The following SLC25A26 variants were observed in gnomAD, a reference collection of about 807,000 sequenced individuals.
SLC25A26 encodes mitochondrial S-adenosylmethionine carrier protein.
A neutral mutation model predicts 37.8 loss-of-function variants in SLC25A26; 36 were observed. The ratio of observed to expected loss-of-function variants is 0.95; its 90% confidence interval spans 0.73 to 1.26. The LOEUF (loss-of-function observed/expected upper bound fraction) is 1.26, where lower values mean the gene tolerates loss of function less well. Among genes scored for constraint, SLC25A26 ranks in the 50% most tolerant of loss-of-function variants. SLC25A26 has a pLI of 0.00. For synonymous variants in SLC25A26, 129 were observed against 122.5 expected (o/e 1.05, Z -0.35); for missense variants, 390 against 331.1 (o/e 1.18, Z -1.38).
chr3:66,270,110 T>G (rs1308343956), intron 5 of SLC25A26, among the ~76,000 whole-genome samples: 1 of 152,196 alleles, frequency 6.6e-6, no homozygotes, highest in African/African-American at 2.4e-5. Flanking sequence ...TGAATCAGGC[T>G]TTTGATATAC....
At position 66,221,223 on chromosome 3, in the gene SLC25A26, G is replaced by C. The variant is rs928459173; in HGVS notation, c.33+96G>C. The C allele has an allele frequency of 8.4e-6, 11 of 1,316,068 alleles. No individual in the cohort carries two copies. In the Admixed American group the frequency reaches 1.2e-4, roughly 14 times the overall value. 81.5% of individuals were successfully genotyped at this position (1,316,068 alleles called of 1,614,324 possible). ...TGCACTGGTTTTCTTCCGGTTTTGC[G>C]GGCTGGACTGTCCTCGGGTTACTGG... On this transcript the variant is annotated intron_variant, in intron 1 of 9. Coordinates refer to ENST00000354883, the MANE Select transcript of SLC25A26 (RefSeq NM_001379210.1).
In SLC25A26 at chr3:66,150,581, T is replaced by C. The variant is rs551056724; in HGVS notation, c.-354+16597T>C. Among the ~76,000 whole-genome samples the C allele has an allele frequency of 4.2e-3, 474 of 112,502 alleles. 6 individuals are homozygous for C. The highest frequency in any genetic ancestry group is 0.015 in the African/African-American group (454 of 29,896). The allele number at this position is 112,502 out of a possible 152,430, so 73.8% of individuals were successfully genotyped here. A position where few individuals can be genotyped will look rare whatever the true frequency, so the allele number is the denominator to read the frequency against. ...AATGATATATATAAAAATATATATA[T>C]CATGATATATATATGTAATGAGATA... On this transcript the variant is annotated intron_variant, in intron 1 of 10. Transcript: ENST00000676754.
In SLC25A26 at chr3:66,208,768, G is replaced by GTA. The variant is rs1212980240; in HGVS notation, c.-353-11962_-353-11961dup. On this transcript the variant is annotated intron_variant, in intron 1 of 10. Transcript: ENST00000676754. ...GGTGTATATATATATTTATATGGGT[G>GTA]TATATATATATATGGGTATATATAT... 9.7e-4 allele frequency among the ~76,000 whole-genome samples: 47 copies of GTA among 48,420 alleles called. 1 individual carries two copies. The highest frequency in any genetic ancestry group is 1.7e-3 in the African/African-American group (34 of 19,608). 31.8% of individuals were successfully genotyped at this position (48,420 alleles called of 152,430 possible). A position where few individuals can be genotyped will look rare whatever the true frequency, so the allele number is the denominator to read the frequency against.
intron 1 of SLC25A26, among the ~76,000 whole-genome samples, chr3:66,225,772 C>G (rs533301103): frequency 2.4e-4 from 37 of 152,266 alleles, no homozygotes; most frequent in Admixed American, 8.5e-4. Context: ...TAAATCATCT[C>G]TCTCAAGTTC....
At chr3:66,216,665 C>CT (rs2071366488), upstream of SLC25A26, among the ~76,000 whole-genome samples, 1 of 148,536 alleles carries the variant, frequency 6.7e-6, no homozygotes, top group South Asian at 2.1e-4. Context: ...TGAGCTATGT[C>CT]TTTGGTTTCT....
At chr3:66,145,438 G>T (rs1034881531) in intron 1 of SLC25A26, among the ~76,000 whole-genome samples, 3 of 152,218 alleles carry the variant, frequency 2.0e-5, no homozygotes, top group Admixed American at 2.0e-4. Flanking sequence ...CAACTGGTGA[G>T]AATAGCATTT....
chr3:66,225,761 G>A (rs1488907532), intron 1 of SLC25A26, among the ~76,000 whole-genome samples: 1 of 152,162 alleles, frequency 6.6e-6, no homozygotes, highest in East Asian at 1.9e-4. Context: ...GTCGGATACT[G>A]TAAATCATCT....
intron 6 of SLC25A26, among the ~76,000 whole-genome samples, chr3:66,350,894 T>G (rs945620471): frequency 6.6e-6 from 1 of 152,094 alleles, no homozygotes; most frequent in African/African-American, 2.4e-5. Flanking sequence ...GTGTTTGATC[T>G]CCTGCTTGAA....
At chr3:66,225,776 C>T (rs782710188) in intron 1 of SLC25A26, among the ~76,000 whole-genome samples, 1 of 152,194 alleles carries the variant, frequency 6.6e-6, no homozygotes, top group Non-Finnish European at 1.5e-5. Flanking sequence ...TCATCTCTCT[C>T]AAGTTCAAAA....
At position 66,298,934 on chromosome 3, in the gene SLC25A26, A is replaced by G. The variant is rs141740467; in HGVS notation, c.453+35555A>G. On this transcript the variant is annotated intron_variant, in intron 5 of 9. Transcript: ENST00000354883. ...AGATCCCAAGTTACATAGAAACAGT[A>G]TGCTAACAAGGGAAAAATTTTAACA... Among the ~76,000 whole-genome samples the G allele has an allele frequency of 2.6e-5, 4 of 152,346 alleles. No individual in the cohort carries two copies. In the East Asian group the frequency reaches 5.8e-4, roughly 22 times the overall value.
intron 1 of SLC25A26, among the ~76,000 whole-genome samples, chr3:66,164,753 C>T (rs2070403177): frequency 6.6e-6 from 1 of 152,144 alleles, no homozygotes; most frequent in Non-Finnish European, 1.5e-5. Context: ...TATGTAAAAA[C>T]AGGCTGTGGG....
rs975772470 is a variant in SLC25A26 at position 66,187,178 on chromosome 3, G to T, written c.-353-33564G>T. Among the ~76,000 whole-genome samples, 66 of 151,872 alleles carry T rather than the reference G, an allele frequency of 4.3e-4. 1 individual carries two copies. Among genetic ancestry groups the T allele is most frequent in the African/African-American group, 1.5e-3 (61 of 41,326 alleles). ...TGTTTTGCATCTTGACCTTGACCCT[G>T]ACCCTCACCATGACACCATCCATGA... On this transcript the variant is annotated intron_variant, in intron 1 of 10. Transcript: ENST00000676754.
chr3:66,177,736 G>T (rs958148109), intron 1 of SLC25A26, among the ~76,000 whole-genome samples: 1 of 152,178 alleles, frequency 6.6e-6, no homozygotes, highest in Non-Finnish European at 1.5e-5. Flanking sequence ...GCAAAGTAAA[G>T]CTGACTTTTT....
At chr3:66,292,313 ATTG>A (rs1487489654) in intron 5 of SLC25A26, among the ~76,000 whole-genome samples, 1 of 152,108 alleles carries the variant, frequency 6.6e-6, no homozygotes, top group Non-Finnish European at 1.5e-5. Context: ...TAAGATTAAT[ATTG>A]TTATGTGTGA....
intron 1 of SLC25A26, among the ~76,000 whole-genome samples, chr3:66,170,366 G>C (rs1408798827): frequency 6.6e-6 from 1 of 152,172 alleles, no homozygotes; most frequent in Non-Finnish European, 1.5e-5. Flanking sequence ...GAATCAGATA[G>C]ATTTCTATTT....
chr3:66,170,656 A>T (rs1295156107), intron 1 of SLC25A26, among the ~76,000 whole-genome samples: 1 of 152,152 alleles, frequency 6.6e-6, no homozygotes, highest in Non-Finnish European at 1.5e-5. Context: ...CTAAAGACAC[A>T]CACCTGTTAA....
chr3:66,300,979 CT>C (rs1488815227), intron 5 of SLC25A26, among the ~76,000 whole-genome samples: 2 of 152,006 alleles, frequency 1.3e-5, no homozygotes, highest in Non-Finnish European at 2.9e-5. Flanking sequence ...ATTGAAAATA[CT>C]TTGTTGCTTT....
chr3:66,350,830 C>T lies in SLC25A26; in HGVS notation c.498+4422C>T, dbSNP rs2076437139. Among the ~76,000 whole-genome samples the T allele has an allele frequency of 4.6e-5, 7 of 152,248 alleles. 1 individual carries two copies. The highest frequency in any genetic ancestry group is 6.8e-3 in the Middle Eastern group (2 of 294). On this transcript the variant is annotated intron_variant, in intron 6 of 9. Coordinates refer to ENST00000354883, the MANE Select transcript of SLC25A26 (RefSeq NM_001379210.1). ...CCCTTCTCTGTTCTCTGACTCCTTTCTGAAGTATGCTTCCAAGGATCCAAA... is the reference window on the plus strand; with the variant it reads ...CCCTTCTCTGTTCTCTGACTCCTTTTTGAAGTATGCTTCCAAGGATCCAAA...
intron 1 of SLC25A26, among the ~76,000 whole-genome samples, chr3:66,174,624 A>T (rs1462161591): frequency 2.0e-5 from 3 of 152,114 alleles, no homozygotes; most frequent in East Asian, 3.9e-4. Flanking sequence ...ACTTAAAAAA[A>T]ACACAGAAAA....
Sources: gnomAD v4.1 joint callset for allele counts (sites outside exome capture counted in the v4.1 genomes callset) on GRCh38, gnomAD v4.1.1 for gene constraint, MANE v1.5 for transcripts, NCBI Gene and HGNC (gene_info 2026-07-23, HGNC 2026-07-21) for gene names.